Variants in GALNTL6 observed in about 807,000 individuals in gnomAD.
GALNTL6 encodes the protein polypeptide N-acetylgalactosaminyltransferase like 6, also known as polypeptide N-acetylgalactosaminyltransferase-like 6.
A neutral mutation model predicts 73.7 loss-of-function variants in GALNTL6; 46 were observed. The ratio of observed to expected loss-of-function variants is 0.62; its 90% confidence interval spans 0.49 to 0.80. The LOEUF (loss-of-function observed/expected upper bound fraction) is 0.80. GALNTL6 is among the 30% of genes least tolerant of loss of function. The pLI, the probability that GALNTL6 is intolerant of heterozygous loss-of-function variation, is 0.00. For missense variants in GALNTL6, 604 were observed against 755.0 expected, an observed-to-expected ratio of 0.80 and a Z score of 2.34; for synonymous variants, 259 against 263.7, an observed-to-expected ratio of 0.98 and a Z score of 0.17.
At chr4:172,859,882 C>CATT (rs897935572) in intron 7 of GALNTL6, among the ~76,000 whole-genome samples, 82 of 152,228 alleles carry the variant, frequency 5.4e-4, no homozygotes, top group African/African-American at 2.0e-3. Flanking sequence ...GATGATCTGT[C>CATT]ATTATCTCCC....
intron 5 of GALNTL6, among the ~76,000 whole-genome samples, chr4:172,363,478 G>A (rs1373992345): frequency 6.6e-6 from 1 of 152,142 alleles, no homozygotes; most frequent in South Asian, 2.1e-4. Context: ...GTGGTTGTGG[G>A]TATTAAAGAG....
chr4:172,064,117 A>C (rs1356524320), intron 2 of GALNTL6, among the ~76,000 whole-genome samples: 1 of 152,230 alleles, frequency 6.6e-6, no homozygotes, highest in African/African-American at 2.4e-5. Context: ...CTTTGGTGAT[A>C]TCACCTGCTA....
chr4:172,259,551 C>T (rs1230865143), intron 3 of GALNTL6, among the ~76,000 whole-genome samples: 1 of 151,200 alleles, frequency 6.6e-6, no homozygotes, highest in Non-Finnish European at 1.5e-5. Context: ...TTCTCCCACT[C>T]TGTGGGTTAT....
In GALNTL6 at chr4:171,958,130, C is replaced by G. The variant is rs563739502; in HGVS notation, c.138+143412C>G. On this transcript the variant is annotated intron_variant, in intron 2 of 12. Coordinates refer to ENST00000506823, the MANE Select transcript of GALNTL6 (RefSeq NM_001034845.3). Reference sequence around the variant, plus strand: ...AGTTTGAAACCTCTCACTGCTTTACCTCTTCCTAGTGATTACTGATATCCT... The same window carrying G: ...AGTTTGAAACCTCTCACTGCTTTACGTCTTCCTAGTGATTACTGATATCCT... Among the ~76,000 whole-genome samples, 75 of 152,250 alleles carry G rather than the reference C, an allele frequency of 4.9e-4. No homozygotes were observed. In the South Asian group the frequency reaches 0.015, roughly 30 times the overall value.
In GALNTL6 at chr4:172,819,023, C is replaced by T. The variant is rs116818377; in HGVS notation, c.923+5300C>T. On this transcript the variant is annotated intron_variant, in intron 7 of 12. Coordinates refer to ENST00000506823, the MANE Select transcript of GALNTL6 (RefSeq NM_001034845.3). ...GTCCCTAGGCATGGATAGCAATAGC[C>T]GTGACCCATTGCCAAGGACCTCAAG... is the stretch of plus-strand genomic sequence containing the variant. 1.7e-3 allele frequency among the ~76,000 whole-genome samples: 266 copies of T among 152,298 alleles called. 1 individual carries two copies. The highest frequency in any genetic ancestry group is 0.01 in the Middle Eastern group (3 of 294).
chr4:172,273,496 G>A (rs1035781950), intron 3 of GALNTL6, among the ~76,000 whole-genome samples: 1 of 152,138 alleles, frequency 6.6e-6, no homozygotes, highest in Non-Finnish European at 1.5e-5. Context: ...TCTAGGGCAT[G>A]ACAATAGAAA....
At chr4:172,826,046 CT>C (rs997413086) in intron 7 of GALNTL6, among the ~76,000 whole-genome samples, 3 of 151,980 alleles carry the variant, frequency 2.0e-5, no homozygotes, top group Non-Finnish European at 2.9e-5. Flanking sequence ...ATGAATGTAA[CT>C]TTTTTTTATC....
At chr4:173,010,571 G>A (rs1413521386) in intron 11 of GALNTL6, among the ~76,000 whole-genome samples, 1 of 151,320 alleles carries the variant, frequency 6.6e-6, no homozygotes, top group South Asian at 2.1e-4. Flanking sequence ...AATTTTTAGT[G>A]TGTTTTTTTT....
intron 12 of GALNTL6, among the ~76,000 whole-genome samples, chr4:173,028,425 T>C (rs948602941): frequency 4.6e-5 from 7 of 152,192 alleles, no homozygotes; most frequent in Non-Finnish European, 1.0e-4. Context: ...ATTTTTACTT[T>C]CTTTCTTTAA....
At chr4:172,516,348 A>G (rs185462933) in intron 5 of GALNTL6, among the ~76,000 whole-genome samples, 1 of 152,288 alleles carries the variant, frequency 6.6e-6, no homozygotes, top group East Asian at 1.9e-4. Context: ...TGACCCAAGA[A>G]ATTTCTACTG....
At chr4:171,920,180 G>T (rs754522435) in intron 2 of GALNTL6, among the ~76,000 whole-genome samples, 19 of 151,962 alleles carry the variant, frequency 1.3e-4, no homozygotes, top group Non-Finnish European at 2.5e-4. Context: ...ATTGCAAAAT[G>T]AGAACACATG....
intron 8 of GALNTL6, among the ~76,000 whole-genome samples, chr4:172,901,757 T>G (rs1746640482): frequency 6.6e-6 from 1 of 152,192 alleles, no homozygotes; most frequent in African/African-American, 2.4e-5. Flanking sequence ...TCAAATCTGT[T>G]TCTATGTAAA....
intron 7 of GALNTL6, among the ~76,000 whole-genome samples, chr4:172,828,417 C>T (rs1220841147): frequency 6.6e-6 from 1 of 152,166 alleles, no homozygotes; most frequent in East Asian, 1.9e-4. Context: ...CCTCCCCTCA[C>T]TCAGGGGCCA....
chr4:171,941,361 A>C (rs1341972997), intron 2 of GALNTL6, among the ~76,000 whole-genome samples: 1 of 152,256 alleles, frequency 6.6e-6, no homozygotes, highest in Non-Finnish European at 1.5e-5. Flanking sequence ...GAAACCATTA[A>C]CCTTGCAATA....
At chr4:172,663,905 G>GGGT (rs1731518813) in intron 5 of GALNTL6, among the ~76,000 whole-genome samples, 1 of 149,586 alleles carries the variant, frequency 6.7e-6, no homozygotes, top group South Asian at 2.2e-4. Flanking sequence ...ACTCCAGCCT[G>GGGT]GGTGACAAAG....
At chr4:172,088,194 G>T (rs1037470772) in intron 2 of GALNTL6, among the ~76,000 whole-genome samples, 1 of 151,844 alleles carries the variant, frequency 6.6e-6, no homozygotes, top group Non-Finnish European at 1.5e-5. Context: ...TATTCATTTT[G>T]AACCACAGTT....
chr4:172,010,747 A>C (rs1740982128), intron 2 of GALNTL6, among the ~76,000 whole-genome samples: 1 of 152,076 alleles, frequency 6.6e-6, no homozygotes, highest in African/African-American at 2.4e-5. Flanking sequence ...AGTGTCTTCT[A>C]CCAGTCAATA....
chr4:172,089,623 A>G lies in GALNTL6; in HGVS notation c.139-140033A>G, dbSNP rs1328705492. 3.9e-5 allele frequency among the ~76,000 whole-genome samples: 6 copies of G among 152,346 alleles called. No individual in the cohort carries two copies. The East Asian group carries it at 1.2e-3, about 29-fold the overall frequency. ...TTAAAAGAAAAAAAAACTCAAAAGC[A>G]AATGAATCAGGCTAGAATTTAGTAA... On this transcript the variant is annotated intron_variant, in intron 2 of 12. Coordinates refer to ENST00000506823, the MANE Select transcript of GALNTL6 (RefSeq NM_001034845.3).
intron 10 of GALNTL6, among the ~76,000 whole-genome samples, chr4:172,975,295 G>A (rs1191900364): frequency 2.0e-5 from 3 of 152,148 alleles, no homozygotes; most frequent in African/African-American, 4.8e-5. Flanking sequence ...TTAGTGGAGA[G>A]GAGACCCAGA....
Sources: gnomAD v4.1 joint callset for allele counts (sites outside exome capture counted in the v4.1 genomes callset) on GRCh38, gnomAD v4.1.1 for gene constraint, MANE v1.5 for transcripts, NCBI Gene and HGNC (gene_info 2026-07-23, HGNC 2026-07-21) for gene names.